The following PKP4 variants were observed in gnomAD, a reference collection of about 807,000 sequenced individuals.
PKP4 encodes plakophilin-4.
PKP4 carries 90 observed loss-of-function variants against 145.1 expected under a neutral mutation model. The ratio of observed to expected loss-of-function variants is 0.62; its 90% CI spans 0.52 to 0.74. The LOEUF is 0.74. PKP4 is among the 30% of genes least tolerant of loss of function. The pLI, the probability that PKP4 is intolerant of heterozygous loss-of-function variation, is 0.00. For synonymous variants in PKP4, 563 were observed against 577.2 expected (o/e 0.98, Z 0.35); for missense variants, 1,340 against 1,482.7 (o/e 0.90, Z 1.58).
intron 2 of PKP4, among the ~76,000 whole-genome samples, chr2:158,543,661 G>A (rs1446473747): frequency 1.3e-5 from 2 of 152,192 alleles, no homozygotes; most frequent in Non-Finnish European, 2.9e-5. Flanking sequence ...TGGATATCCA[G>A]AAATTACAAT....
At chr2:158,544,087 A>G (rs2044750117) in intron 2 of PKP4, among the ~76,000 whole-genome samples, 1 of 152,142 alleles carries the variant, frequency 6.6e-6, no homozygotes, top group Non-Finnish European at 1.5e-5. Context: ...CCCCACCCCT[A>G]GTCCACCACC....
intron 7 of PKP4, among the ~76,000 whole-genome samples, chr2:158,631,344 A>G (rs1373711770): frequency 1.3e-5 from 2 of 152,034 alleles, no homozygotes; most frequent in African/African-American, 2.4e-5. Context: ...ACTTGGTCCT[A>G]TTGGTTAGGA....
chr2:158,469,163 C>T (rs1020620842), intron 1 of PKP4, among the ~76,000 whole-genome samples: 3 of 151,820 alleles, frequency 2.0e-5, no homozygotes, highest in African/African-American at 7.3e-5. Flanking sequence ...GATCTCAGCT[C>T]ACTGCAACCT....
intron 1 of PKP4, among the ~76,000 whole-genome samples, chr2:158,510,652 C>T (rs1314234678): frequency 6.6e-6 from 1 of 152,170 alleles, no homozygotes; most frequent in Admixed American, 6.5e-5. Flanking sequence ...TGCTTGTGGG[C>T]TTTGAAATGA....
intron 1 of PKP4, among the ~76,000 whole-genome samples, chr2:158,480,632 C>T (rs745796550): frequency 1.3e-5 from 2 of 151,314 alleles, no homozygotes; most frequent in African/African-American, 2.4e-5. Context: ...AAAAACCACA[C>T]CCGAGATATT....
intron 6 of PKP4, among the ~76,000 whole-genome samples, chr2:158,621,685 G>A (rs1293801793): frequency 6.6e-6 from 1 of 151,286 alleles, no homozygotes; most frequent in Non-Finnish European, 1.5e-5. Flanking sequence ...GGCAGAGCTT[G>A]CAGTGAGCCG....
At chr2:158,515,195 A>C (rs1447988434) in intron 1 of PKP4, among the ~76,000 whole-genome samples, 1 of 152,224 alleles carries the variant, frequency 6.6e-6, no homozygotes, top group East Asian at 1.9e-4. Flanking sequence ...TGTACAGTAT[A>C]CCAAGGTCAT....
intron 1 of PKP4, among the ~76,000 whole-genome samples, chr2:158,504,557 T>C (rs1409480237): frequency 1.3e-5 from 2 of 152,254 alleles, no homozygotes; most frequent in African/African-American, 4.8e-5. Context: ...GTTTTCACTT[T>C]TCTCTTGTTA....
intron 19 of PKP4, among the ~76,000 whole-genome samples, chr2:158,676,496 T>G (rs2058022444): frequency 6.6e-6 from 1 of 152,200 alleles, no homozygotes; most frequent in South Asian, 2.1e-4. Flanking sequence ...CCCTCCAGCT[T>G]GAGAGTGAGC....
In PKP4 at chr2:158,485,665, C is replaced by T. The variant is rs972754153; in HGVS notation, c.-6+28447C>T. Among the ~76,000 whole-genome samples, 6 of 152,090 alleles carry T rather than the reference C, an allele frequency of 3.9e-5. No homozygotes were observed. In the South Asian group the frequency reaches 6.2e-4, roughly 16 times the overall value. On this transcript the variant is annotated intron_variant, in intron 1 of 21. Coordinates refer to ENST00000389759, the MANE Select transcript of PKP4 (RefSeq NM_003628.6). ...ATGAGAATAGGGTCTCTTTTATAAA[C>T]AAAACATTTAACCCTTTAGTTCATT...
intron 1 of PKP4, among the ~76,000 whole-genome samples, chr2:158,483,081 G>T (rs1574033061): frequency 6.6e-6 from 1 of 152,116 alleles, no homozygotes; most frequent in Non-Finnish European, 1.5e-5. Context: ...TGAGCAGTTA[G>T]CTGTCTGTTC....
chr2:158,666,783 A>G (rs2057127431), intron 16 of PKP4: 4 of 388,102 alleles, frequency 1.0e-5, no homozygotes, highest in Non-Finnish European at 1.8e-5. Flanking sequence ...GTAAATTTTC[A>G]GAAAGGCCAG....
chr2:158,672,248 G>T (rs1200798043), intron 17 of PKP4, among the ~76,000 whole-genome samples: 1 of 152,232 alleles, frequency 6.6e-6, no homozygotes, highest in African/African-American at 2.4e-5. Context: ...GAGAAGATGG[G>T]ATGGTGGAAA....
intron 9 of PKP4, among the ~76,000 whole-genome samples, 154 bp from the exon 10 acceptor site, chr2:158,640,473 A>G (rs1055476895): frequency 9.8e-5 from 15 of 152,296 alleles, no homozygotes; most frequent in Non-Finnish European, 2.9e-5. Flanking sequence ...TATGTTCATC[A>G]GGGGGAAAAA....
intron 8 of PKP4, 33 bp from the exon 9 acceptor site, chr2:158,634,037 A>G: frequency 8.4e-7 from 1 of 1,197,432 alleles, no homozygotes; most frequent in Non-Finnish European, 1.2e-6. Context: ...CATGGAGAAC[A>G]TACTAATCTT....
chr2:158,543,745 C>A (rs989473739), intron 2 of PKP4, among the ~76,000 whole-genome samples: 1 of 152,078 alleles, frequency 6.6e-6, no homozygotes, highest in African/African-American at 2.4e-5. Context: ...TCAAGGTAGC[C>A]AGTTTTCAAA....
chr2:158,539,011 G>T (rs1188941200), intron 2 of PKP4, among the ~76,000 whole-genome samples: 3 of 152,182 alleles, frequency 2.0e-5, no homozygotes, highest in Non-Finnish European at 4.4e-5. Flanking sequence ...AAGTTAGATA[G>T]TGTATGCTTC....
In PKP4 at chr2:158,631,803, C is replaced by G; in HGVS notation, c.1204C>G (p.Arg402Gly). 1 of 1,614,104 alleles carries G rather than the reference C, an allele frequency of 6.2e-7. No individual in the cohort carries two copies. The highest frequency in any genetic ancestry group is 1.1e-5 in the South Asian group (1 of 91,078). The change falls in exon 8 of 22, where the codon CGT (arginine) becomes GGT (glycine). Residue 402 changes from arginine (R) to glycine (G), a missense_variant. By Grantham distance (125) the Arg-to-Gly change is moderately radical. Transcript: ENST00000389759. ...SQHSQLGQDL[R>G]SAVSPDLHIT... ...GCATAGTCAGCTTGGGCAAGACCTT[C>G]GTTCTGCCGTGTCTCCCGACTTGCA... is the stretch of plus-strand genomic sequence containing the variant.
chr2:158,471,866 C>G (rs768131603), intron 1 of PKP4, among the ~76,000 whole-genome samples: 35 of 152,102 alleles, frequency 2.3e-4, no homozygotes, highest in Non-Finnish European at 4.9e-4. Flanking sequence ...ATTAAACATG[C>G]CTAAATTATT....
Sources: allele counts gnomAD v4.1 joint callset (sites outside exome capture counted in the v4.1 genomes callset), GRCh38; gene constraint gnomAD v4.1.1; transcripts MANE v1.5; gene names NCBI Gene and HGNC (gene_info 2026-07-23, HGNC 2026-07-21).